The following IDI1 variants were observed in gnomAD, a reference collection of about 807,000 sequenced individuals.
The protein encoded by IDI1 is isopentenyl-diphosphate Delta-isomerase 1.
IDI1 carries 23 observed loss-of-function variants against 32.9 expected under a neutral mutation model. That is an observed-to-expected ratio of 0.70 (90% confidence interval 0.50 to 0.99). The LOEUF (loss-of-function observed/expected upper bound fraction) is 0.99. Ranked by LOEUF, IDI1 falls within the 50% of genes least tolerant of loss-of-function variation. The pLI, the probability that IDI1 is intolerant of heterozygous loss-of-function variation, is 0.00. For missense variants in IDI1, 326 were observed against 351.9 expected, an observed-to-expected ratio of 0.93 and a Z score of 0.59; for synonymous variants, 133 against 128.2, an observed-to-expected ratio of 1.04 and a Z score of -0.25.
upstream of IDI1, among the ~76,000 whole-genome samples, chr10:1,050,948 A>G (rs1832994611): frequency 6.6e-6 from 1 of 152,244 alleles, no homozygotes; most frequent in African/African-American, 2.4e-5. Context: ...AGCCTTTTCA[A>G]ATTATCTTGG....
At chr10:1,055,528 C>T in the IDI1 span, among the ~76,000 whole-genome samples, 1 of 152,082 alleles carries the variant, frequency 6.6e-6, no homozygotes, top group Non-Finnish European at 1.5e-5. Flanking sequence ...TGCTGCCATG[C>T]CCAGTACAAT....
At position 1,048,948 on chromosome 10, in the gene IDI1, C is replaced by T. The variant is rs1180558995; in HGVS notation, c.56G>A (p.Gly19Asp). The T allele has an allele frequency of 1.3e-6, 2 of 1,572,516 alleles. No homozygotes were observed. Among genetic ancestry groups the T allele is most frequent in the South Asian group, 1.1e-5 (1 of 87,390 alleles). The change falls in exon 1 of 5, where the codon GGC (glycine) becomes GAC (aspartate). Residue 19 changes from glycine (G) to aspartate (D), a missense_variant. Gly to Asp is a moderately conservative substitution (Grantham distance 94). This residue lies in a region of IDI1 where 121 missense variants were observed against 78.4 expected (regional missense o/e 1.54). Coordinates refer to ENST00000381344, the MANE Select transcript of IDI1 (RefSeq NM_004508.4). ...GTCTGCGGCGCGCACCGCCCACTGG[C>T]CCCGCCCCCGGGCCGCGCAGCCAAT... ...RAIGCAARGR[G>D]QWAVRAADCA...
At chr10:1,047,877 A>C (rs1432919085) in intron 1 of IDI1, among the ~76,000 whole-genome samples, 1 of 152,238 alleles carries the variant, frequency 6.6e-6, no homozygotes, top group East Asian at 1.9e-4. Flanking sequence ...GTACAGATGA[A>C]ATTTTTTTCC....
At chr10:1,050,234 T>C (rs1456315896), upstream of IDI1, among the ~76,000 whole-genome samples, 2 of 152,386 alleles carry the variant, frequency 1.3e-5, no homozygotes, top group South Asian at 2.1e-4. Flanking sequence ...ACATAAGTTA[T>C]ATTTTTATTA....
intron 2 of IDI1, 67 bp from the exon 3 acceptor site, chr10:1,043,460 G>A: frequency 1.1e-6 from 1 of 950,938 alleles, no homozygotes; most frequent in East Asian, 2.4e-5. Flanking sequence ...TTCTCTCCCT[G>A]CAGTTCAGAA....
At position 1,043,384 on chromosome 10, in the gene IDI1, T is replaced by C. The variant is rs758705449; in HGVS notation, c.323A>G (p.His108Arg). 6.2e-7 allele frequency: 1 copy of C among 1,602,064 alleles called. No homozygotes were observed. Among genetic ancestry groups the C allele is most frequent in the Non-Finnish European group, 8.6e-7 (1 of 1,168,928 alleles). ...GAATAAGAAGACACTAAAAGCTCGATGCAATAATCCTGAAAGCAAAAGAAA... is the reference window on the plus strand; with the variant it reads ...GAATAAGAAGACACTAAAAGCTCGACGCAATAATCCTGAAAGCAAAAGAAA... ...LNENIEKGLLHRAFSVFLFNT... is the reference protein window; with the variant it reads ...LNENIEKGLLRRAFSVFLFNT... Residue 108 changes from histidine (H) to arginine (R), a missense_variant, in exon 3 of 5, where the codon CAT becomes CGT. Around this residue, in one of 2 missense-constraint regions of IDI1, gnomAD observed 205 missense variants for 273.5 expected, o/e 0.75. Coordinates refer to ENST00000381344, the MANE Select transcript of IDI1 (RefSeq NM_004508.4).
chr10:1,053,883 C>A (rs1416705972), upstream of IDI1, among the ~76,000 whole-genome samples: 1 of 152,102 alleles, frequency 6.6e-6, no homozygotes, highest in Non-Finnish European at 1.5e-5. Context: ...GCATGAGCCA[C>A]CACCATGCCT....
Position 1,043,335 on chromosome 10 carries a change from T to C in IDI1, c.372A>G (p.Leu124=). ...TAATCTTAGCATCTGATCTTTGCTG[T>C]AGCAGAAGCTTATTTTCGGTGTTGA... is the stretch of plus-strand genomic sequence containing the variant. ...FLFNTENKLL[L]QQRSDAKITF... Residue 124 remains leucine, a synonymous_variant, in exon 3 of 5, where the codon CTA becomes CTG. Coordinates refer to ENST00000381344, the MANE Select transcript of IDI1 (RefSeq NM_004508.4). The C allele has an allele frequency of 1.2e-6, 2 of 1,609,214 alleles. No individual in the cohort carries two copies. Among genetic ancestry groups the C allele is most frequent in the Non-Finnish European group, 1.7e-6 (2 of 1,175,522 alleles).
chr10:1,044,199 G>A (rs1832726841), intron 1 of IDI1, 28 bp from the exon 2 acceptor site: 3 of 1,553,902 alleles, frequency 1.9e-6, no homozygotes, highest in Non-Finnish European at 2.6e-6. Flanking sequence ...GAGAAAGAAA[G>A]GCCATCATAT....
intron 1 of IDI1, among the ~76,000 whole-genome samples, chr10:1,044,826 C>G (rs1173071006): frequency 1.3e-5 from 2 of 152,148 alleles, no homozygotes; most frequent in Non-Finnish European, 2.9e-5. Flanking sequence ...CAGGAGAAGA[C>G]TTAATTCGTT....
chr10:1,045,370 TAATTTTTGTTTTCTGATTTTTCTACCCA>T (rs1832770337), intron 1 of IDI1, among the ~76,000 whole-genome samples: 1 of 152,238 alleles, frequency 6.6e-6, no homozygotes, highest in Non-Finnish European at 1.5e-5. Context: ...GAATGAATAA[TAATTTTTGTTTTCTGATTTTTCTACCCA>T]ATATATTTTG....
intron 2 of IDI1, chr10:1,043,683 C>T (rs1832695162): frequency 1.6e-6 from 1 of 640,078 alleles, no homozygotes; most frequent in South Asian, 1.5e-5. Flanking sequence ...ACATGCTTCC[C>T]TGCATGGTGC....
rs1832712522 is a variant in IDI1 at position 1,044,000 on chromosome 10, T to C, written c.312A>G (p.Lys104=). Residue 104 remains lysine (K), a splice_region_variant and synonymous_variant, in exon 2 of 5, where the codon AAA becomes AAG. Coordinates refer to ENST00000381344, the MANE Select transcript of IDI1 (RefSeq NM_004508.4). ...AGAAAGACTGTTTCAAAGCAGCACC[T>C]TTCTCAATGTTCTCGTTCAGGTGAC... ...KNCHLNENIE[K]GLLHRAFSVF... 2.5e-6 allele frequency: 4 copies of C among 1,609,854 alleles called. No homozygotes were observed. The highest frequency in any genetic ancestry group is 3.4e-6 in the Non-Finnish European group (4 of 1,178,586).
chr10:1,052,124 G>T (rs1381107199), upstream of IDI1, among the ~76,000 whole-genome samples: 1 of 152,112 alleles, frequency 6.6e-6, no homozygotes, highest in Non-Finnish European at 1.5e-5. Flanking sequence ...GCCCACCTTG[G>T]CCTCTCAAAA....
At chr10:1,043,153 G>A (rs565314289) in intron 3 of IDI1, 148 bp downstream of exon 3, 2 of 606,194 alleles carry the variant, frequency 3.3e-6, no homozygotes, top group South Asian at 4.1e-5. Context: ...GTATTAGGTT[G>A]CACTCATTGT....
At position 1,043,338 on chromosome 10, in the gene IDI1, CAGA is replaced by C; in HGVS notation, c.366_368del (p.Leu124del). 6.2e-7 allele frequency: 1 copy of C among 1,610,364 alleles called. No individual in the cohort carries two copies. Among genetic ancestry groups the C allele is most frequent in the Non-Finnish European group, 8.5e-7 (1 of 1,176,640 alleles). On this transcript the variant is annotated inframe_deletion, in exon 3 of 5. Transcript: ENST00000381344. The stretch of plus-strand genomic sequence containing the variant: ...TCTTAGCATCTGATCTTTGCTGTAG[CAGA>C]AGCTTATTTTCGGTGTTGAATAAGA...
Position 1,039,765 on chromosome 10 carries a change from A to G in IDI1, c.*1422T>C, listed in dbSNP as rs766521536. The G allele has an allele frequency of 6.6e-5, 10 of 152,258 alleles. No homozygotes were observed. Among genetic ancestry groups the G allele is most frequent in the African/African-American group, 2.4e-4 (10 of 41,476 alleles). The allele number at this position is 152,258 out of a possible 1,614,324, so 9.4% of individuals were successfully genotyped here. ...AGCCATGGCAACTCATAGTTATCAC[A>G]TAACTAATTATATGTGGCTTTCAGC... On this transcript the variant is annotated 3_prime_UTR_variant, in exon 5 of 5. Coordinates refer to ENST00000381344, the MANE Select transcript of IDI1 (RefSeq NM_004508.4).
chr10:1,043,872 G>C (rs1361431386), intron 2 of IDI1, 127 bp downstream of exon 2: 7 of 781,184 alleles, frequency 9.0e-6, no homozygotes, highest in Admixed American at 4.6e-5. Context: ...ACTATTTAAC[G>C]AACTGGAACC....
rs112832376 is a variant in IDI1 at position 1,041,514 on chromosome 10, T to TA, written c.538-11dup. On this transcript the variant is annotated splice_polypyrimidine_tract_variant and intron_variant, in intron 4 of 4. Coordinates refer to ENST00000381344, the MANE Select transcript of IDI1 (RefSeq NM_004508.4). ...TTTCTTCTGGAGGAACCTAAGACAT[T>TA]AAAAAAAAAAAAGTAATTAAAACAT... 73,850 of 1,148,692 alleles carry TA rather than the reference T, an allele frequency of 0.064. 506 individuals carry two copies. The highest frequency in any genetic ancestry group is 0.16 in the African/African-American group (10,408 of 63,250). 71.2% of individuals were successfully genotyped at this position (1,148,692 alleles called of 1,614,324 possible).
Sources: allele counts gnomAD v4.1 joint callset (sites outside exome capture counted in the v4.1 genomes callset), GRCh38; gene constraint gnomAD v4.1.1; regional missense constraint gnomAD v4.1.1; transcripts MANE v1.5; gene names NCBI Gene and HGNC (gene_info 2026-07-23, HGNC 2026-07-21).